Variants in NBEA observed in about 807,000 individuals in gnomAD.
NBEA encodes the protein lysosomal-trafficking regulator 2.
Under a neutral mutation model 343.4 loss-of-function variants are expected in NBEA, and 44 were observed. The observed-to-expected ratio is 0.13, with a 90% CI of 0.10 to 0.16. The LOEUF (loss-of-function observed/expected upper bound fraction) is 0.16, where lower values mean the gene tolerates loss of function less well. Ranked by LOEUF, NBEA falls within the 10% of genes least tolerant of loss-of-function variation. The probability of loss-of-function intolerance (pLI) is 1.00; values close to 1 mark genes in which losing one functional copy is unlikely to be tolerated. For missense variants in NBEA, 2,555 were observed against 3,631.3 expected, an observed-to-expected ratio of 0.70 and a Z score of 7.62; for synonymous variants, 1,175 against 1,238.7, an observed-to-expected ratio of 0.95 and a Z score of 1.08.
At chr13:35,453,838 TTAA>T (rs2046424558) in intron 40 of NBEA, among the ~76,000 whole-genome samples, 3 of 152,172 alleles carry the variant, frequency 2.0e-5, no homozygotes, top group Admixed American at 2.0e-4. Context: ...TAGCTAATTA[TTAA>T]TATTAATTTA....
At chr13:35,211,371 T>C (rs1405740554) in intron 33 of NBEA, among the ~76,000 whole-genome samples, 192 bp downstream of exon 33, 2 of 152,204 alleles carry the variant, frequency 1.3e-5, no homozygotes, top group African/African-American at 2.4e-5. Flanking sequence ...AGCAGAGATC[T>C]TCAGTGATTT....
Position 34,942,837 on chromosome 13 carries a change from C to A in NBEA, c.17C>A (p.Pro6Gln). The change falls in exon 1 of 59, where the codon CCG (proline) becomes CAG (glutamine). Residue 6 changes from proline (P) to glutamine (Q), a missense_variant. Physicochemically the swap from Pro to Gln is moderately conservative, Grantham distance 76. This residue lies in a region of NBEA where 122 missense variants were observed against 91.0 expected (regional missense o/e 1.34). Transcript: ENST00000379939. MASEK[P>Q]GPGPGLEPQP... ...GGGGGGCCAATGGCTAGCGAGAAGCCGGGCCCGGGCCCGGGGCTCGAGCCT... is the reference window on the plus strand; with the variant it reads ...GGGGGGCCAATGGCTAGCGAGAAGCAGGGCCCGGGCCCGGGGCTCGAGCCT... 2.9e-6 allele frequency: 4 copies of A among 1,359,314 alleles called. No homozygotes were observed. The highest frequency in any genetic ancestry group is 3.8e-6 in the Non-Finnish European group (4 of 1,052,202). 84.2% of individuals were successfully genotyped at this position (1,359,314 alleles called of 1,614,324 possible).
intron 56 of NBEA, among the ~76,000 whole-genome samples, chr13:35,667,129 C>T (rs2085391866): frequency 6.6e-6 from 1 of 152,150 alleles, no homozygotes; most frequent in Non-Finnish European, 1.5e-5. Context: ...TATTACCTGA[C>T]AAAGGAAAAG....
In NBEA at chr13:34,994,573, A is replaced by G. The variant is rs887889186; in HGVS notation, c.295-46360A>G. Among the ~76,000 whole-genome samples, 6 of 152,140 alleles carry G rather than the reference A, an allele frequency of 3.9e-5. No homozygotes were observed. The East Asian group carries it at 7.7e-4, about 20-fold the overall frequency. ...TTTTAATGGTTATTTTTCAGATACA[A>G]TTTACCATATTTTTATCATTAATTT... On this transcript the variant is annotated intron_variant, in intron 1 of 58. Coordinates refer to ENST00000379939, the MANE Select transcript of NBEA (RefSeq NM_001385012.1).
intron 38 of NBEA, among the ~76,000 whole-genome samples, chr13:35,373,169 C>T (rs2041542622): frequency 6.6e-6 from 1 of 152,056 alleles, no homozygotes; most frequent in Non-Finnish European, 1.5e-5. Context: ...GCCTCACATC[C>T]CTCTCCTTCC....
chr13:35,472,419 C>T lies in NBEA; in HGVS notation c.6468C>T (p.Thr2156=), dbSNP rs1385771685. 2.5e-6 allele frequency: 4 copies of T among 1,613,700 alleles called. No individual in the cohort carries two copies. The African/African-American group carries it at 5.3e-5, about 22-fold the overall frequency. ...TTGCAGGCCCAGTGGTTCTCAGCAC[C>T]CCTGCCCAGCTCATCGCTCCCGTGG... ...DNLAGPVVLS[T]PAQLIAPVVV... is the part of the protein sequence containing the mutation. Residue 2156 remains threonine, a synonymous_variant, in exon 41 of 59, where the codon ACC becomes ACT. Coordinates refer to ENST00000379939, the MANE Select transcript of NBEA (RefSeq NM_001385012.1).
chr13:35,631,114 C>T (rs1187498355), intron 49 of NBEA, among the ~76,000 whole-genome samples: 3 of 152,068 alleles, frequency 2.0e-5, no homozygotes, highest in East Asian at 1.9e-4. Flanking sequence ...TAAGTGAGGC[C>T]GAGTCATTCA....
At chr13:35,539,788 C>G (rs1355859225) in intron 41 of NBEA, among the ~76,000 whole-genome samples, 7 of 150,866 alleles carry the variant, frequency 4.6e-5, no homozygotes, top group African/African-American at 1.7e-4. Flanking sequence ...TGGTGGCGGG[C>G]GCCTGTAGTC....
At chr13:35,429,261 GT>G (rs1351314623) in intron 38 of NBEA, among the ~76,000 whole-genome samples, 1 of 152,176 alleles carries the variant, frequency 6.6e-6, no homozygotes, top group African/African-American at 2.4e-5. Context: ...CAGCAAGGGT[GT>G]TGGGTGTCTC....
intron 36 of NBEA, among the ~76,000 whole-genome samples, chr13:35,331,201 A>C (rs938492343): frequency 6.6e-6 from 1 of 152,052 alleles, no homozygotes; most frequent in Non-Finnish European, 1.5e-5. Flanking sequence ...GTGACACCAG[A>C]AACTTCGTGA....
At chr13:35,314,692 A>G (rs117170644) in intron 36 of NBEA, among the ~76,000 whole-genome samples, 5,358 of 152,236 alleles carry the variant, frequency 0.035, 140 homozygotes, top group Non-Finnish European at 0.054. Flanking sequence ...ATTGTTTCTC[A>G]TCTGTAGAAT....
intron 47 of NBEA, among the ~76,000 whole-genome samples, chr13:35,604,178 C>G (rs570210741): frequency 2.0e-5 from 3 of 152,116 alleles, no homozygotes; most frequent in Non-Finnish European, 4.4e-5. Flanking sequence ...GCCCTTTAGC[C>G]TGTCTTATCC....
At chr13:35,594,947 TCACACACA>T (rs71196581) in intron 47 of NBEA, among the ~76,000 whole-genome samples, 1,457 of 111,106 alleles carry the variant, frequency 0.013, 24 homozygotes, top group African/African-American at 0.044. Flanking sequence ...TTTGACATCA[TCACACACA>T]CACACACACA....
At chr13:35,168,819 T>C (rs1566400165) in intron 24 of NBEA, among the ~76,000 whole-genome samples, 168 bp from the exon 25 acceptor site, 1 of 151,408 alleles carries the variant, frequency 6.6e-6, no homozygotes, top group Non-Finnish European at 1.5e-5. Context: ...GTATAATTTA[T>C]AAAATGAAAA....
chr13:35,476,472 A>T (rs2075878727), intron 41 of NBEA: 1 of 783,658 alleles, frequency 1.3e-6, no homozygotes, highest in African/African-American at 1.7e-5. Flanking sequence ...CCGCATGGAG[A>T]GATCACCTTC....
At chr13:35,012,447 G>A (rs1204654188) in intron 1 of NBEA, among the ~76,000 whole-genome samples, 1 of 152,174 alleles carries the variant, frequency 6.6e-6, no homozygotes. Flanking sequence ...TCCAGTATAT[G>A]TCTTTTGTGG....
At chr13:35,473,835 G>A (rs543754875) in intron 41 of NBEA, among the ~76,000 whole-genome samples, 71 of 152,176 alleles carry the variant, frequency 4.7e-4, no homozygotes, top group Admixed American at 1.1e-3. Flanking sequence ...CATAATTTTC[G>A]AAGTTTCATT....
chr13:35,210,956 G>A, intron 32 of NBEA, 97 bp from the exon 33 acceptor site: 2 of 1,301,526 alleles, frequency 1.5e-6, no homozygotes, highest in Non-Finnish European at 2.1e-6. Context: ...TTGAAAATCT[G>A]ATGAGTAATT....
At chr13:35,404,304 G>T (rs1477061989) in intron 38 of NBEA, among the ~76,000 whole-genome samples, 2 of 151,774 alleles carry the variant, frequency 1.3e-5, no homozygotes, top group Admixed American at 1.3e-4. Context: ...ACATGCACAC[G>T]TATGTTTATT....
Sources: gnomAD v4.1 joint callset for allele counts (sites outside exome capture counted in the v4.1 genomes callset) on GRCh38, gnomAD v4.1.1 for gene constraint, gnomAD v4.1.1 regional missense constraint, MANE v1.5 for transcripts, NCBI Gene and HGNC (gene_info 2026-07-23, HGNC 2026-07-21) for gene names.